UACA: variants seen among roughly 807,000 people sequenced by gnomAD.
The protein encoded by UACA is uveal autoantigen with coiled-coil domains and ankyrin repeats.
A neutral mutation model predicts 160.5 loss-of-function variants in UACA; 112 were observed. The ratio of observed to expected loss-of-function variants is 0.70; its 90% CI spans 0.60 to 0.82. The LOEUF is 0.82. Ranked by LOEUF, UACA falls within the 40% of genes least tolerant of loss-of-function variation. UACA has a pLI of 0.00. For synonymous variants in UACA, 557 were observed against 568.4 expected (o/e 0.98, Z 0.29); for missense variants, 1,574 against 1,614.6 (o/e 0.97, Z 0.43).
chr15:70,668,713 A>G lies in UACA; in HGVS notation c.1971T>C (p.His657=), dbSNP rs1897027342. 4.3e-6 allele frequency: 7 copies of G among 1,613,822 alleles called. No individual in the cohort carries two copies. The highest frequency in any genetic ancestry group is 2.2e-5 in the East Asian group (1 of 44,852). Residue 657 remains histidine, a synonymous_variant, in exon 16 of 19, where the codon CAT becomes CAC. Transcript: ENST00000322954. ...AKKLVEMERE[H]EKSLSEIRQL... ...GTCTAATTTCACTAAGTGATTTTTCATGTTCTCTTTCCATTTCTACTAATT... is the reference window on the plus strand; with the variant it reads ...GTCTAATTTCACTAAGTGATTTTTCGTGTTCTCTTTCCATTTCTACTAATT...
chr15:70,668,639 A>T lies in UACA; in HGVS notation c.2045T>A (p.Val682Asp). The change falls in exon 16 of 19, where the codon GTC (valine) becomes GAC (aspartate). Residue 682 changes from valine (V) to aspartate (D), a missense_variant. Val to Asp is a radical substitution (Grantham distance 152, BLOSUM62 -3). Transcript: ENST00000322954. ...AACCTGTTCATGTTCCTCTGGTTTG[A>T]CGTGCTGAGCAAGCTTGGCCTTAAC... ...ENVKAKLAQH[V>D]KPEEHEQVKS... 6.2e-7 allele frequency: 1 copy of T among 1,614,018 alleles called. No individual in the cohort carries two copies. The highest frequency in any genetic ancestry group is 8.5e-7 in the Non-Finnish European group (1 of 1,180,000).
intron 1 of UACA, among the ~76,000 whole-genome samples, chr15:70,757,403 G>C (rs555738001): frequency 3.3e-4 from 50 of 152,256 alleles, no homozygotes; most frequent in Non-Finnish European, 6.2e-4. Context: ...CATGTCTATA[G>C]ACTCTAGATT....
At chr15:70,740,537 T>C (rs935054250) in intron 1 of UACA, among the ~76,000 whole-genome samples, 2 of 149,260 alleles carry the variant, frequency 1.3e-5, no homozygotes, top group Non-Finnish European at 3.0e-5. Flanking sequence ...CACGGGAGGC[T>C]GAGGCAGGAG....
intron 10 of UACA, 101 bp downstream of exon 10, chr15:70,679,507 C>G: frequency 1.5e-6 from 1 of 672,010 alleles, no homozygotes; most frequent in South Asian, 2.3e-5. Flanking sequence ...CTTTGCCCCA[C>G]TCATTTCACC....
At position 70,702,294 on chromosome 15, in the gene UACA, G is replaced by A. The variant is rs995244594; in HGVS notation, c.79-2634C>T. The A allele has an allele frequency of 7.9e-6, 8 of 1,015,038 alleles. No homozygotes were observed. In the East Asian group the frequency reaches 3.0e-4, roughly 38 times the overall value. 62.9% of individuals were successfully genotyped at this position (1,015,038 alleles called of 1,614,324 possible). ...GCTGCCTCAACACTGCAACACAGAC[G>A]CTGCAGTGCATGATAAAACTGTCCA... On this transcript the variant is annotated intron_variant, in intron 1 of 18. Coordinates refer to ENST00000322954, the MANE Select transcript of UACA (RefSeq NM_018003.4).
chr15:70,748,832 C>T (rs192683427), intron 1 of UACA: 1 of 152,360 alleles, frequency 6.6e-6, no homozygotes, highest in African/African-American at 2.4e-5. Flanking sequence ...TTATTAATAG[C>T]ACCAGTATTT....
At chr15:70,660,031 A>T in intron 18 of UACA, 120 bp downstream of exon 18, 2 of 721,236 alleles carry the variant, frequency 2.8e-6, no homozygotes, top group Non-Finnish European at 2.2e-6. Context: ...AATTATTTTT[A>T]AATAAGCATA....
At chr15:70,677,040 C>G (rs1897321923) in intron 12 of UACA, 68 bp downstream of exon 12, 2 of 1,253,536 alleles carry the variant, frequency 1.6e-6, no homozygotes, top group South Asian at 2.7e-5. Flanking sequence ...AGGACTTAAA[C>G]CTTTACTACT....
upstream of UACA, among the ~76,000 whole-genome samples, chr15:70,765,407 T>C (rs1160301973): frequency 6.6e-6 from 1 of 152,236 alleles, no homozygotes; most frequent in Admixed American, 6.5e-5. Flanking sequence ...ACAAAAAGTT[T>C]GTTTTTAAGT....
At position 70,685,650 on chromosome 15, in the gene UACA, C is replaced by CT. The variant is rs561885463; in HGVS notation, c.603-1205dup. On this transcript the variant is annotated intron_variant, in intron 7 of 18. Coordinates refer to ENST00000322954, the MANE Select transcript of UACA (RefSeq NM_018003.4). The stretch of plus-strand genomic sequence containing the variant: ...AGTCTATACAATATACACTGCCCTG[C>CT]TTCATTGGCTTTTTGTGAATGCCCA... Among the ~76,000 whole-genome samples, 3 of 152,260 alleles carry CT rather than the reference C, an allele frequency of 2.0e-5. No individual in the cohort carries two copies. The East Asian group carries it at 5.8e-4, about 29-fold the overall frequency.
chr15:70,740,424 G>A (rs190145992), intron 1 of UACA, among the ~76,000 whole-genome samples: 2 of 148,482 alleles, frequency 1.3e-5, no homozygotes, highest in Admixed American at 6.8e-5. Context: ...GATCAGCCTA[G>A]GCAACGAAAT....
At chr15:70,686,010 A>T (rs1248172956) in intron 7 of UACA, among the ~76,000 whole-genome samples, 2 of 152,194 alleles carry the variant, frequency 1.3e-5, no homozygotes, top group African/African-American at 4.8e-5. Flanking sequence ...CCTGACCTCA[A>T]GTGATCCGCG....
intron 1 of UACA, chr15:70,702,438 AT>A: frequency 2.3e-6 from 1 of 432,400 alleles, no homozygotes; most frequent in Non-Finnish European, 3.1e-6. Flanking sequence ...TATATTGTAA[AT>A]GCATGCTTTT....
chr15:70,678,488 C>T (rs1897366538), intron 10 of UACA, among the ~76,000 whole-genome samples: 2 of 152,052 alleles, frequency 1.3e-5, no homozygotes, highest in African/African-American at 4.8e-5. Flanking sequence ...AGCATCTAGA[C>T]ACAGAAAAGA....
intron 3 of UACA, among the ~76,000 whole-genome samples, 179 bp from the exon 4 acceptor site, chr15:70,691,542 C>G (rs1185794318): frequency 6.6e-6 from 1 of 151,988 alleles, no homozygotes; most frequent in Non-Finnish European, 1.5e-5. Flanking sequence ...AGATGATATA[C>G]GTACCAAAAC....
chr15:70,697,711 T>C (rs1262610926), intron 2 of UACA, among the ~76,000 whole-genome samples: 1 of 152,196 alleles, frequency 6.6e-6, no homozygotes, highest in East Asian at 1.9e-4. Context: ...ACAGTTTGTG[T>C]GTGAGTAAAA....
intron 1 of UACA, among the ~76,000 whole-genome samples, chr15:70,726,467 A>G (rs1899147676): frequency 6.6e-6 from 1 of 152,142 alleles, no homozygotes; most frequent in African/African-American, 2.4e-5. Flanking sequence ...ATAAAACTAA[A>G]TCTCTCTAAA....
At chr15:70,709,051 A>G (rs2140977262) in intron 1 of UACA, among the ~76,000 whole-genome samples, 1 of 152,258 alleles carries the variant, frequency 6.6e-6, no homozygotes, top group Non-Finnish European at 1.5e-5. Context: ...CGTCCTTTCC[A>G]CTCTAATCCT....
chr15:70,772,061 A>T, the UACA span, among the ~76,000 whole-genome samples: 27,531 of 152,148 alleles, frequency 0.18, 3,797 homozygotes, highest in African/African-American at 0.39. Context: ...ATCTTTCTGC[A>T]GCTAGGGAGA....
Sources: allele counts gnomAD v4.1 joint callset (sites outside exome capture counted in the v4.1 genomes callset), GRCh38; gene constraint gnomAD v4.1.1; transcripts MANE v1.5; gene names NCBI Gene and HGNC (gene_info 2026-07-23, HGNC 2026-07-21).